The following CHRNB3 variants were observed in gnomAD, a reference collection of about 807,000 sequenced individuals.
CHRNB3 encodes the protein neuronal acetylcholine receptor subunit beta-3.
CHRNB3 carries 37 observed loss-of-function variants against 40.6 expected under a neutral mutation model. The observed-to-expected ratio is 0.91, with a 90% confidence interval of 0.70 to 1.20. CHRNB3 has a LOEUF of 1.20. CHRNB3 is among the 50% of genes most tolerant of loss of function. CHRNB3 has a pLI of 0.00. For synonymous variants in CHRNB3, 207 were observed against 207.1 expected (o/e 1.00, Z 0.00); for missense variants, 505 against 551.2 (o/e 0.92, Z 0.84).
At chr8:42,731,425 G>A (rs1399930292) in intron 4 of CHRNB3, among the ~76,000 whole-genome samples, 5 of 151,952 alleles carry the variant, frequency 3.3e-5, no homozygotes, top group African/African-American at 9.7e-5. Context: ...CATGGTGGCC[G>A]GTGCCTGTAA....
chr8:42,706,762 TA>T (rs1563607499), intron 1 of CHRNB3, among the ~76,000 whole-genome samples: 1 of 151,932 alleles, frequency 6.6e-6, no homozygotes, highest in African/African-American at 2.4e-5. Context: ...TTTTGTTTAT[TA>T]AAAAAAATTT....
At chr8:42,728,377 G>C (rs184813556) in intron 3 of CHRNB3, among the ~76,000 whole-genome samples, 7 of 151,990 alleles carry the variant, frequency 4.6e-5, no homozygotes. Context: ...AAAACAATTA[G>C]CCGGGTGTGG....
At chr8:42,735,354 A>T (rs2128909224) in intron 5 of CHRNB3, among the ~76,000 whole-genome samples, 1 of 152,146 alleles carries the variant, frequency 6.6e-6, no homozygotes, top group East Asian at 1.9e-4. Context: ...CCTGGCTAAC[A>T]CGTTGAAACC....
At chr8:42,701,398 G>C (rs1815795528) in intron 1 of CHRNB3, among the ~76,000 whole-genome samples, 1 of 151,756 alleles carries the variant, frequency 6.6e-6, no homozygotes, top group Non-Finnish European at 1.5e-5. Context: ...TTAAAAATTA[G>C]CCAGGCATGG....
chr8:42,703,435 A>AAAAAAAAAATATATATAT lies in CHRNB3; in HGVS notation c.53-5281_53-5280insAAAAAAAATATATATATA. Among the ~76,000 whole-genome samples the AAAAAAAAAATATATATAT allele has an allele frequency of 2.3e-4, 11 of 47,400 alleles. 1 individual carries two copies. Among genetic ancestry groups the AAAAAAAAAATATATATAT allele is most frequent in the East Asian group, 1.1e-3 (1 of 878 alleles). 31.1% of individuals were successfully genotyped at this position (47,400 alleles called of 152,430 possible). On this transcript the variant is annotated intron_variant, in intron 1 of 5. Transcript: ENST00000289957. Reference sequence around the variant, plus strand: ...CAAGACTTCGTCTAAAAAAAAAAAAAATATTTATATATATATATATATATA... The same window carrying AAAAAAAAAATATATATAT: ...CAAGACTTCGTCTAAAAAAAAAAAAAAAAAAAAAATATATATATATATTTATATATATATATATATATA...
rs1314811548 is a variant in CHRNB3, at chr8:42,732,364, G to A, written c.1057G>A (p.Val353Met). Residue 353 changes from valine (V) to methionine (M), a missense_variant, in exon 5 of 6, where the codon GTG becomes ATG. Physicochemically the swap from Val to Met is conservative, Grantham distance 21. Transcript: ENST00000289957. ...LPKLLCMKDH[V>M]DRYSSPEKEE... Reference sequence around the variant, plus strand: ...AAAATTACTTTGCATGAAAGATCATGTGGATCGCTACTCATCCCCAGAGAA... The same window carrying A: ...AAAATTACTTTGCATGAAAGATCATATGGATCGCTACTCATCCCCAGAGAA... 6.2e-7 allele frequency: 1 copy of A among 1,610,730 alleles called. No individual in the cohort carries two copies.
chr8:42,699,114 C>T (rs191434674), intron 1 of CHRNB3, among the ~76,000 whole-genome samples: 98 of 152,282 alleles, frequency 6.4e-4, no homozygotes, highest in African/African-American at 2.2e-3. Flanking sequence ...CATTTTTTAA[C>T]TTTACTATTC....
At chr8:42,703,646 C>T (rs1311382659) in intron 1 of CHRNB3, among the ~76,000 whole-genome samples, 2 of 151,770 alleles carry the variant, frequency 1.3e-5, no homozygotes, top group African/African-American at 4.8e-5. Flanking sequence ...TCCTGGAAAC[C>T]TTGAGCGCAT....
chr8:42,724,457 C>T (rs1175408714), intron 3 of CHRNB3, among the ~76,000 whole-genome samples: 2 of 152,018 alleles, frequency 1.3e-5, no homozygotes, highest in East Asian at 3.9e-4. Flanking sequence ...TTGTGCCTTT[C>T]TTCCTATGTG....
chr8:42,718,691 A>C (rs868708422), intron 3 of CHRNB3, among the ~76,000 whole-genome samples: 8,475 of 151,052 alleles, frequency 0.056, 422 homozygotes, highest in Middle Eastern at 0.11. Context: ...AAAAAAAAAA[A>C]AAAAAAAAAG....
At chr8:42,700,334 GTTTT>G (rs1242651692) in intron 1 of CHRNB3, among the ~76,000 whole-genome samples, 1 of 135,144 alleles carries the variant, frequency 7.4e-6, no homozygotes, top group Non-Finnish European at 1.6e-5. Context: ...GTTTTTTGTG[GTTTT>G]TTTGAGACGG....
At position 42,732,409 on chromosome 8, in the gene CHRNB3, G is replaced by A. The variant is rs56198260; in HGVS notation, c.1102G>A (p.Val368Met). Residue 368 changes from valine (V) to methionine (M), a missense_variant, in exon 5 of 6, where the codon GTG becomes ATG. Transcript: ENST00000289957. ...AGAGAAAGAGGAGAGTCAACCAGTA[G>A]TGAAAGGCAAAGTCCTCGAAAAAAA... ...SPEKEESQPV[V>M]KGKVLEKKKQ... 2.0e-3 allele frequency: 3,215 copies of A among 1,614,068 alleles called. 10 individuals are homozygous for A. Among genetic ancestry groups the A allele is most frequent in the Middle Eastern group, 6.1e-3 (37 of 6,062 alleles).
chr8:42,703,435 A>AAAAAAAAT lies in CHRNB3; in HGVS notation c.53-5281_53-5280insAAAAAATA. On this transcript the variant is annotated intron_variant, in intron 1 of 5. Coordinates refer to ENST00000289957, the MANE Select transcript of CHRNB3 (RefSeq NM_000749.5). ...CAAGACTTCGTCTAAAAAAAAAAAA[A>AAAAAAAAT]ATATTTATATATATATATATATATA... 2.7e-4 allele frequency among the ~76,000 whole-genome samples: 13 copies of AAAAAAAAT among 47,410 alleles called. No individual in the cohort carries two copies. In the South Asian group the frequency reaches 6.2e-3, roughly 22 times the overall value. 31.1% of individuals were successfully genotyped at this position (47,410 alleles called of 152,430 possible).
At chr8:42,726,018 G>A (rs563640789) in intron 3 of CHRNB3, 47 of 1,047,498 alleles carry the variant, frequency 4.5e-5, no homozygotes, top group African/African-American at 2.4e-4. Flanking sequence ...ACTTCTAGTC[G>A]TCTGAGACGT....
chr8:42,731,726 C>G lies in CHRNB3; in HGVS notation c.419C>G (p.Thr140Ser), dbSNP rs773581682. Reference sequence around the variant, plus strand: ...AAGGTCATCGTGAAATCAAACGGAACTGTTGTCTGGACCCCTCCCGCCAGC... The same window carrying G: ...AAGGTCATCGTGAAATCAAACGGAAGTGTTGTCTGGACCCCTCCCGCCAGC... ...MTKVIVKSNG[T>S]VVWTPPASYK... The change falls in exon 5 of 6, where the codon ACT (threonine) becomes AGT (serine). Residue 140 changes from threonine (T) to serine (S), a missense_variant. Thr to Ser is a moderately conservative substitution (Grantham distance 58, BLOSUM62 1). Transcript: ENST00000289957. The G allele has an allele frequency of 1.9e-6, 3 of 1,613,890 alleles. No homozygotes were observed. In the African/African-American group the frequency reaches 4.0e-5, roughly 22 times the overall value.
At chr8:42,708,695 T>C in intron 1 of CHRNB3, 22 bp from the exon 2 acceptor site, 1 of 1,611,930 alleles carries the variant, frequency 6.2e-7, no homozygotes, top group South Asian at 1.1e-5. Context: ...TTAACCCAGG[T>C]CCACCCATGA....
intron 2 of CHRNB3, among the ~76,000 whole-genome samples, chr8:42,709,661 C>G (rs994404157): frequency 2.6e-5 from 4 of 152,140 alleles, no homozygotes; most frequent in African/African-American, 9.7e-5. Flanking sequence ...GAGACAGAGA[C>G]TCTGTTTCAC....
At chr8:42,736,111 C>G (rs1453290126) in intron 5 of CHRNB3, among the ~76,000 whole-genome samples, 1 of 152,174 alleles carries the variant, frequency 6.6e-6, no homozygotes, top group Non-Finnish European at 1.5e-5. Flanking sequence ...GTGATCCCCC[C>G]ACCCCCAGGC....
intron 3 of CHRNB3, among the ~76,000 whole-genome samples, chr8:42,715,230 A>G (rs1276146642): frequency 1.3e-5 from 2 of 152,178 alleles, no homozygotes; most frequent in Non-Finnish European, 2.9e-5. Context: ...AAAAATGACA[A>G]TGAGACAGGA....
Sources: allele counts gnomAD v4.1 joint callset (sites outside exome capture counted in the v4.1 genomes callset), GRCh38; gene constraint gnomAD v4.1.1; transcripts MANE v1.5; gene names NCBI Gene and HGNC (gene_info 2026-07-23, HGNC 2026-07-21).